PLCB1: variants seen among roughly 807,000 people sequenced by gnomAD.
PLCB1 encodes phospholipase C beta 1, also known as 1-phosphatidylinositol 4,5-bisphosphate phosphodiesterase beta-1.
A neutral mutation model predicts 161.8 loss-of-function variants in PLCB1; 46 were observed. The observed-to-expected ratio is 0.28, with a 90% CI of 0.22 to 0.36. PLCB1 has a LOEUF of 0.36. PLCB1 is among the 10% of genes least tolerant of loss of function. The pLI is 1.00. For synonymous variants in PLCB1, 517 were observed against 503.7 expected, an observed-to-expected ratio of 1.03 and a Z score of -0.35; for missense variants, 1,016 against 1,472.5, an observed-to-expected ratio of 0.69 and a Z score of 5.07.
intron 23 of PLCB1, among the ~76,000 whole-genome samples, chr20:8,753,078 A>T (rs757100656): frequency 2.1e-4 from 32 of 152,032 alleles, no homozygotes; most frequent in Non-Finnish European, 3.5e-4. Flanking sequence ...CATGTGAAAA[A>T]TCTAGGTTGT....
intron 3 of PLCB1, among the ~76,000 whole-genome samples, chr20:8,396,843 A>C (rs957227280): frequency 6.6e-6 from 1 of 152,094 alleles, no homozygotes; most frequent in Admixed American, 6.6e-5. Flanking sequence ...AATATTTTTA[A>C]TATTTATCAG....
intron 3 of PLCB1, among the ~76,000 whole-genome samples, chr20:8,454,019 T>C (rs534786399): frequency 1.3e-5 from 2 of 152,276 alleles, no homozygotes; most frequent in South Asian, 2.1e-4. Flanking sequence ...GGAAAGGCCA[T>C]GTGAGGAGAC....
intron 3 of PLCB1, among the ~76,000 whole-genome samples, chr20:8,563,352 C>T (rs960755794): frequency 6.6e-6 from 1 of 152,002 alleles, no homozygotes; most frequent in South Asian, 2.1e-4. Context: ...TAGACAGGGG[C>T]TCTGTCCTTA....
intron 14 of PLCB1, among the ~76,000 whole-genome samples, chr20:8,718,377 C>G (rs1600273467): frequency 6.6e-6 from 1 of 152,292 alleles, no homozygotes; most frequent in East Asian, 1.9e-4. Flanking sequence ...AGTCAGGAAG[C>G]CCCCTGGGTT....
At chr20:8,491,014 T>C (rs1344082793) in intron 3 of PLCB1, among the ~76,000 whole-genome samples, 1 of 151,730 alleles carries the variant, frequency 6.6e-6, no homozygotes, top group Non-Finnish European at 1.5e-5. Flanking sequence ...GGCATGTCTT[T>C]TCATTCTTAT....
intron 3 of PLCB1, among the ~76,000 whole-genome samples, chr20:8,527,307 T>C (rs1056599195): frequency 2.6e-5 from 4 of 152,138 alleles, no homozygotes; most frequent in African/African-American, 9.6e-5. Flanking sequence ...TTAAATATGC[T>C]TCAGGTTTTC....
chr20:8,585,844 A>C (rs1297739064), intron 3 of PLCB1, among the ~76,000 whole-genome samples: 1 of 152,104 alleles, frequency 6.6e-6, no homozygotes, highest in African/African-American at 2.4e-5. Context: ...AAATCTTTTC[A>C]CCTCTTCTCC....
At chr20:8,244,281 C>T (rs570770001) in intron 2 of PLCB1, among the ~76,000 whole-genome samples, 5 of 151,930 alleles carry the variant, frequency 3.3e-5, no homozygotes, top group African/African-American at 1.2e-4. Context: ...AAGATGGTTA[C>T]AAGAATAATC....
intron 9 of PLCB1, among the ~76,000 whole-genome samples, chr20:8,663,126 T>C (rs1989726853): frequency 6.6e-6 from 1 of 151,924 alleles, no homozygotes; most frequent in East Asian, 1.9e-4. Flanking sequence ...ATACTTGTTA[T>C]AAAATGCTAA....
intron 3 of PLCB1, among the ~76,000 whole-genome samples, chr20:8,380,240 GT>G (rs1211530584): frequency 6.6e-6 from 1 of 152,132 alleles, no homozygotes; most frequent in Non-Finnish European, 1.5e-5. Flanking sequence ...CCCATTGTTT[GT>G]TTTTGTCAGG....
intron 10 of PLCB1, among the ~76,000 whole-genome samples, chr20:8,696,586 T>G (rs1322817853): frequency 6.6e-6 from 1 of 152,174 alleles, no homozygotes; most frequent in East Asian, 1.9e-4. Flanking sequence ...TGGTGGGGAG[T>G]AGTGTCATCT....
intron 16 of PLCB1, 131 bp downstream of exon 16, chr20:8,724,883 A>C: frequency 1.7e-6 from 1 of 599,946 alleles, no homozygotes; most frequent in East Asian, 2.8e-5. Context: ...ATATATGTAC[A>C]TTTTGACTGC....
rs566105757 is a variant in PLCB1, at chr20:8,492,227, AC to A, written c.246+120780del. On this transcript the variant is annotated intron_variant, in intron 3 of 31. Transcript: ENST00000338037. ...TCTGTTTTAAAAAGAAAATTAAGCT[AC>A]CCACTTTCTGTTTACTTACATAGAA... 1.4e-3 allele frequency among the ~76,000 whole-genome samples: 215 copies of A among 151,708 alleles called. 2 individuals are homozygous for A. The highest frequency in any genetic ancestry group is 5.1e-3 in the African/African-American group (210 of 41,386).
intron 14 of PLCB1, among the ~76,000 whole-genome samples, chr20:8,718,316 A>G (rs1366211990): frequency 6.6e-6 from 1 of 152,190 alleles, no homozygotes; most frequent in Non-Finnish European, 1.5e-5. Flanking sequence ...TCTTGCTGCT[A>G]CAAACTTAGC....
At chr20:8,840,032 GAA>G (rs35917261) in intron 31 of PLCB1, among the ~76,000 whole-genome samples, 44 of 135,792 alleles carry the variant, frequency 3.2e-4, no homozygotes, top group South Asian at 9.6e-4. Flanking sequence ...CTCTGTCTCA[GAA>G]AAAAAAAAAA....
rs888830493 is a variant in PLCB1 at position 8,314,630 on chromosome 20, A to C, written c.178-56752A>C. Among the ~76,000 whole-genome samples, 14 of 152,374 alleles carry C rather than the reference A, an allele frequency of 9.2e-5. No individual in the cohort carries two copies. In the East Asian group the frequency reaches 2.7e-3, roughly 29 times the overall value. On this transcript the variant is annotated intron_variant, in intron 2 of 31. Transcript: ENST00000338037. The stretch of plus-strand genomic sequence containing the variant: ...AGGACTTAATGAATTAATATACTCA[A>C]AACGCTTAGCATTTGTCTTGGCCCA...
intron 2 of PLCB1, among the ~76,000 whole-genome samples, chr20:8,187,828 G>C (rs1379886408): frequency 6.6e-6 from 1 of 152,074 alleles, no homozygotes. Context: ...TGAGTGCATA[G>C]GACCACTACA....
chr20:8,436,816 G>A (rs1980333364), intron 3 of PLCB1, among the ~76,000 whole-genome samples: 1 of 152,068 alleles, frequency 6.6e-6, no homozygotes, highest in Non-Finnish European at 1.5e-5. Context: ...CTGAAACAGA[G>A]TCTCACTCTG....
At chr20:8,248,947 T>A (rs1455507998) in intron 2 of PLCB1, among the ~76,000 whole-genome samples, 1 of 151,938 alleles carries the variant, frequency 6.6e-6, no homozygotes, top group Non-Finnish European at 1.5e-5. Flanking sequence ...GATTTACTTC[T>A]AAAGAGGTAT....
Sources: gnomAD v4.1 joint callset for allele counts (sites outside exome capture counted in the v4.1 genomes callset) on GRCh38, gnomAD v4.1.1 for gene constraint, MANE v1.5 for transcripts, NCBI Gene and HGNC (gene_info 2026-07-23, HGNC 2026-07-21) for gene names.